EYA1: variants seen among roughly 807,000 people sequenced by gnomAD.
EYA1 encodes protein phosphatase EYA1.
Under a neutral mutation model 82.0 loss-of-function variants are expected in EYA1, and 16 were observed. The ratio of observed to expected loss-of-function variants is 0.20; its 90% CI spans 0.13 to 0.30. The LOEUF (loss-of-function observed/expected upper bound fraction) is 0.30. Ranked by LOEUF, EYA1 falls within the 10% of genes least tolerant of loss-of-function variation. EYA1 has a pLI of 1.00. For synonymous variants in EYA1, 261 were observed against 264.4 expected, an observed-to-expected ratio of 0.99 and a Z score of 0.12; for missense variants, 633 against 730.7, an observed-to-expected ratio of 0.87 and a Z score of 1.54.
intron 2 of EYA1, among the ~76,000 whole-genome samples, chr8:71,496,780 G>A (rs993361719): frequency 1.3e-5 from 2 of 152,024 alleles, no homozygotes; most frequent in African/African-American, 4.8e-5. Flanking sequence ...GAACCATGGG[G>A]AAACCAATTG....
chr8:71,267,311 G>A (rs1397264579), intron 11 of EYA1, among the ~76,000 whole-genome samples: 1 of 152,004 alleles, frequency 6.6e-6, no homozygotes, highest in East Asian at 1.9e-4. Flanking sequence ...AGCCTTTCTT[G>A]CCTCTGCACT....
intron 2 of EYA1, among the ~76,000 whole-genome samples, chr8:71,405,548 T>C (rs951223873): frequency 1.2e-4 from 18 of 152,224 alleles, no homozygotes; most frequent in Admixed American, 1.2e-3. Flanking sequence ...TTTTAATTTA[T>C]CTTGATTTCA....
At position 71,521,841 on chromosome 8, in the gene EYA1, G is replaced by T. The variant is rs144241358; in HGVS notation, c.33+13903C>A. 1.1e-4 allele frequency among the ~76,000 whole-genome samples: 17 copies of T among 152,198 alleles called. No individual in the cohort carries two copies. The East Asian group carries it at 3.3e-3, about 29-fold the overall frequency. ...TAGGCACTAAGTAATCAGTTAGATA[G>T]CCCATTTTAAGTTCAGATTTTTAAC... On this transcript the variant is annotated intron_variant, in intron 2 of 18. Coordinates refer to the EYA1 transcript ENST00000643681.
intron 11 of EYA1, among the ~76,000 whole-genome samples, chr8:71,265,218 G>T (rs1480307009): frequency 1.3e-5 from 2 of 151,696 alleles, no homozygotes; most frequent in Non-Finnish European, 2.9e-5. Flanking sequence ...ACTGGTATTT[G>T]TTGAAATTTT....
chr8:71,471,995 G>A (rs997880803), intron 2 of EYA1, among the ~76,000 whole-genome samples: 2 of 152,080 alleles, frequency 1.3e-5, no homozygotes, highest in Admixed American at 1.3e-4. Context: ...CATGCGAAAG[G>A]TGCCATTGCC....
At chr8:71,300,061 T>C (rs1820036018) in intron 7 of EYA1, among the ~76,000 whole-genome samples, 1 of 152,128 alleles carries the variant, frequency 6.6e-6, no homozygotes, top group South Asian at 2.1e-4. Context: ...TAATGTAAAA[T>C]GATGGGGTCA....
Position 71,377,336 on chromosome 8 carries a change from A to T in EYA1, c.34-20825T>A, listed in dbSNP as rs193273832. ...ACATTCTAGCCCCAGCCACCATTTG[A>T]CAGAAATTGGGAGAGACCCCAAGCA... On this transcript the variant is annotated intron_variant, in intron 2 of 18. Coordinates refer to the EYA1 transcript ENST00000643681. Among the ~76,000 whole-genome samples the T allele has an allele frequency of 7.2e-5, 11 of 152,300 alleles. No individual in the cohort carries two copies. In the East Asian group the frequency reaches 1.7e-3, roughly 24 times the overall value.
intron 2 of EYA1, among the ~76,000 whole-genome samples, chr8:71,379,026 C>T (rs1263362110): frequency 6.6e-6 from 1 of 152,082 alleles, no homozygotes; most frequent in African/African-American, 2.4e-5. Flanking sequence ...ACGTAAAAGG[C>T]CTCCTCAAGC....
intron 6 of EYA1, among the ~76,000 whole-genome samples, 167 bp from the exon 7 acceptor site, chr8:71,317,856 T>G (rs778037325): frequency 5.3e-5 from 8 of 152,198 alleles, no homozygotes; most frequent in Non-Finnish European, 1.2e-4. Flanking sequence ...ACAACTTCAG[T>G]TTTTTAAATC....
chr8:71,485,914 C>T (rs981297645), intron 2 of EYA1, among the ~76,000 whole-genome samples: 1 of 152,108 alleles, frequency 6.6e-6, no homozygotes, highest in Non-Finnish European at 1.5e-5. Context: ...TTTGATGTGT[C>T]CTTTAATGAG....
intron 3 of EYA1, among the ~76,000 whole-genome samples, chr8:71,349,197 C>T (rs1027036661): frequency 2.6e-5 from 4 of 152,184 alleles, no homozygotes; most frequent in Non-Finnish European, 5.9e-5. Context: ...CACTCACGCA[C>T]ACCAGAACTT....
intron 2 of EYA1, among the ~76,000 whole-genome samples, chr8:71,482,795 TATA>T (rs1460343947): frequency 6.6e-6 from 1 of 152,156 alleles, no homozygotes; most frequent in African/African-American, 2.4e-5. Context: ...GAACATATAC[TATA>T]GGATTCCTAT....
chr8:71,306,760 A>G (rs34143349), intron 7 of EYA1, among the ~76,000 whole-genome samples: 29,304 of 152,000 alleles, frequency 0.19, 3,284 homozygotes, highest in Non-Finnish European at 0.25. Flanking sequence ...CTTTGTACTG[A>G]GTTTATCTTC....
At chr8:71,238,745 AC>A (rs1812138403) in intron 12 of EYA1, among the ~76,000 whole-genome samples, 1 of 152,112 alleles carries the variant, frequency 6.6e-6, no homozygotes, top group South Asian at 2.1e-4. Flanking sequence ...CAAATTATCT[AC>A]AAAAATAATT....
intron 2 of EYA1, among the ~76,000 whole-genome samples, chr8:71,437,772 G>A (rs543589175): frequency 6.6e-6 from 1 of 151,816 alleles, no homozygotes; most frequent in East Asian, 1.9e-4. Flanking sequence ...TTGAATGACT[G>A]TTGACAAACA....
intron 2 of EYA1, among the ~76,000 whole-genome samples, chr8:71,455,062 C>G (rs1358601728): frequency 6.6e-6 from 1 of 152,006 alleles, no homozygotes; most frequent in African/African-American, 2.4e-5. Context: ...ACAATAAAAA[C>G]TGATAAAGGG....
chr8:71,226,832 G>C (rs556410351), intron 12 of EYA1, among the ~76,000 whole-genome samples: 1 of 151,844 alleles, frequency 6.6e-6, no homozygotes, highest in Admixed American at 6.6e-5. Context: ...TTATGCAATA[G>C]TAAGAGGTAT....
intron 12 of EYA1, among the ~76,000 whole-genome samples, chr8:71,233,667 TA>T (rs1811501634): frequency 6.6e-6 from 1 of 152,196 alleles, no homozygotes; most frequent in Non-Finnish European, 1.5e-5. Context: ...TATCATTTTA[TA>T]ACATACCTCT....
At chr8:71,262,044 G>A (rs1010671886) in intron 11 of EYA1, among the ~76,000 whole-genome samples, 1 of 152,134 alleles carries the variant, frequency 6.6e-6, no homozygotes, top group African/African-American at 2.4e-5. Context: ...CCCACAGAAC[G>A]AAATCCTGGC....
Sources: gnomAD v4.1 joint callset for allele counts (sites outside exome capture counted in the v4.1 genomes callset) on GRCh38, gnomAD v4.1.1 for gene constraint, MANE v1.5 for transcripts, NCBI Gene and HGNC (gene_info 2026-07-23, HGNC 2026-07-21) for gene names.